The following ANK3 variants were observed in gnomAD, a reference collection of about 807,000 sequenced individuals.
ANK3 encodes ankyrin 3, also known as ankyrin-3.
A neutral mutation model predicts 370.9 loss-of-function variants in ANK3; 57 were observed. The ratio of observed to expected loss-of-function variants is 0.15; its 90% CI spans 0.12 to 0.19. The LOEUF (loss-of-function observed/expected upper bound fraction) is 0.19. ANK3 is among the 10% of genes least tolerant of loss of function. ANK3 has a pLI of 1.00. For synonymous variants in ANK3, 1,929 were observed against 1,946.3 expected, an observed-to-expected ratio of 0.99 and a Z score of 0.23; for missense variants, 4,439 against 5,302.1, an observed-to-expected ratio of 0.84 and a Z score of 5.06.
At chr10:60,700,863 A>G (rs1259480505) in intron 1 of ANK3, among the ~76,000 whole-genome samples, 1 of 152,148 alleles carries the variant, frequency 6.6e-6, no homozygotes, top group Non-Finnish European at 1.5e-5. Context: ...GAGTTCTTCT[A>G]TAATCAAGGA....
intron 21 of ANK3, among the ~76,000 whole-genome samples, chr10:60,170,414 A>T (rs751338645): frequency 1.3e-5 from 2 of 152,214 alleles, no homozygotes; most frequent in East Asian, 3.8e-4. Context: ...CCTGAATTAC[A>T]TCAGTCCTGT....
intron 1 of ANK3, among the ~76,000 whole-genome samples, chr10:60,350,585 A>G (rs920579379): frequency 1.1e-4 from 16 of 152,190 alleles, no homozygotes; most frequent in Non-Finnish European, 2.1e-4. Context: ...AGACTCAAAA[A>G]TCTAACCAAG....
chr10:60,464,037 T>C (rs1291708435), intron 2 of ANK3, among the ~76,000 whole-genome samples: 1 of 152,148 alleles, frequency 6.6e-6, no homozygotes, highest in African/African-American at 2.4e-5. Flanking sequence ...CACACAGAGA[T>C]TTCTCTCCAC....
chr10:60,203,985 AT>A (rs750442984), intron 11 of ANK3, among the ~76,000 whole-genome samples: 1 of 152,070 alleles, frequency 6.6e-6, no homozygotes, highest in Non-Finnish European at 1.5e-5. Flanking sequence ...TTGATAAAAC[AT>A]TTTTTTTAGT....
intron 28 of ANK3, among the ~76,000 whole-genome samples, chr10:60,088,744 C>T (rs2087371068): frequency 6.6e-6 from 1 of 152,098 alleles, no homozygotes; most frequent in African/African-American, 2.4e-5. Flanking sequence ...TTTTAATAGT[C>T]AAAATCATTT....
rs558197185 is a variant in ANK3 at position 60,172,297 on chromosome 10, T to G, written c.2478+11A>C. 1 of 1,609,414 alleles carries G rather than the reference T, an allele frequency of 6.2e-7. No individual in the cohort carries two copies. Among genetic ancestry groups the G allele is most frequent in the South Asian group, 1.1e-5 (1 of 90,832 alleles). On this transcript the variant is annotated intron_variant, in intron 21 of 43. Transcript: ENST00000280772. ...CTCCTAGGGTAACAAGGTTCTGCATTCCTTACTTACAGTTGTGGTCATGGT... is the reference window on the plus strand; with the variant it reads ...CTCCTAGGGTAACAAGGTTCTGCATGCCTTACTTACAGTTGTGGTCATGGT...
rs139774460 is a variant in ANK3 at position 60,074,961 on chromosome 10, G to C, written c.5920C>G (p.Pro1974Ala). The C allele has an allele frequency of 5.1e-5, 82 of 1,614,058 alleles. No homozygotes were observed. The African/African-American group carries it at 1.0e-3, about 20-fold the overall frequency. ...KDVCVDNKGS[P>A]KSPKSDKGHS... is the part of the protein sequence containing the mutation. ...CCTTTGTCACTCTTTGGTGATTTGG[G>C]TGATCCTTTATTATCTACACATACA... The change falls in exon 37 of 44, where the codon CCC becomes GCC. Residue 1974 changes from proline (P) to alanine (A), a missense_variant. By Grantham distance (27) the Pro-to-Ala change is conservative. Coordinates refer to ENST00000280772, the MANE Select transcript of ANK3 (RefSeq NM_020987.5).
intron 2 of ANK3, among the ~76,000 whole-genome samples, chr10:60,462,623 G>A (rs1412888808): frequency 7.0e-6 from 1 of 142,736 alleles, no homozygotes; most frequent in Non-Finnish European, 1.5e-5. Context: ...GTCATGTACT[G>A]TTAGTTCTTT....
chr10:60,561,250 A>G (rs2077327526), intron 2 of ANK3, among the ~76,000 whole-genome samples: 1 of 152,210 alleles, frequency 6.6e-6, no homozygotes, highest in Admixed American at 6.5e-5. Context: ...TTCCAAGGTA[A>G]TATTTCATAA....
intron 1 of ANK3, among the ~76,000 whole-genome samples, chr10:60,657,011 C>T (rs1054952156): frequency 3.3e-5 from 5 of 152,068 alleles, no homozygotes; most frequent in Non-Finnish European, 7.4e-5. Context: ...CAAGACTGGG[C>T]AATTTACAAA....
intron 23 of ANK3, among the ~76,000 whole-genome samples, chr10:60,159,421 T>C (rs1272415739): frequency 6.6e-6 from 1 of 152,118 alleles, no homozygotes; most frequent in African/African-American, 2.4e-5. Context: ...CCCGTATATA[T>C]AAAGCAATTA....
At chr10:60,450,658 G>A (rs1237615400) in intron 2 of ANK3, among the ~76,000 whole-genome samples, 1 of 152,158 alleles carries the variant, frequency 6.6e-6, no homozygotes, top group Non-Finnish European at 1.5e-5. Context: ...TGGAGTATAA[G>A]ATGCCTTAGA....
intron 1 of ANK3, among the ~76,000 whole-genome samples, chr10:60,313,928 G>GTT (rs760802914): frequency 0.043 from 5,622 of 132,034 alleles, 166 homozygotes; most frequent in South Asian, 0.09. Flanking sequence ...TTTTGTTTTT[G>GTT]TTTTTTTTTT....
At chr10:60,573,801 A>G (rs1442547) in intron 2 of ANK3, among the ~76,000 whole-genome samples, 72,849 of 152,036 alleles carry the variant, frequency 0.48, 17,772 homozygotes, top group Non-Finnish European at 0.52. Context: ...AACTGACAGA[A>G]GTACAAAGTG....
chr10:60,600,726 C>T (rs995884700), intron 2 of ANK3, among the ~76,000 whole-genome samples: 1 of 152,078 alleles, frequency 6.6e-6, no homozygotes, highest in Non-Finnish European at 1.5e-5. Flanking sequence ...TTTTAAGTTA[C>T]AAGGTTATAT....
In ANK3 at chr10:60,278,900, A is replaced by C. The variant is rs372385433; in HGVS notation, c.316-28T>G. The stretch of plus-strand genomic sequence containing the variant: ...GTGAAATGAAAGTCAAGATATATCA[A>C]CTCATCGATCTTTTGAATTTTCCTG... On this transcript the variant is annotated intron_variant, in intron 3 of 43. Coordinates refer to ENST00000280772, the MANE Select transcript of ANK3 (RefSeq NM_020987.5). 9 of 1,604,520 alleles carry C rather than the reference A, an allele frequency of 5.6e-6. No individual in the cohort carries two copies. In the African/African-American group the frequency reaches 1.2e-4, roughly 21 times the overall value.
intron 7 of ANK3, among the ~76,000 whole-genome samples, chr10:60,253,079 A>G (rs2097690711): frequency 6.6e-6 from 1 of 152,236 alleles, no homozygotes; most frequent in Non-Finnish European, 1.5e-5. Context: ...GAGCACCAGG[A>G]TAAGCTGCAA....
rs1049503720 is a variant in ANK3 at position 60,075,662 on chromosome 10, G to A, written c.5219C>T (p.Thr1740Met). The change falls in exon 37 of 44, where the codon ACG (threonine) becomes ATG (methionine). Residue 1740 changes from threonine (T) to methionine (M), a missense_variant. Thr to Met is a moderately conservative substitution (Grantham distance 81). Transcript: ENST00000280772. ...AGCAGAAGAAATTTTTTCCTGTAAC[G>A]TGGCAGTGGCTTTGCATCCATTAAT... ...TLINGCKATATLQEKISSATN... is the reference protein window; with the variant it reads ...TLINGCKATAMLQEKISSATN... 13 of 1,613,986 alleles carry A rather than the reference G, an allele frequency of 8.1e-6. 1 individual carries two copies. The highest frequency in any genetic ancestry group is 2.2e-5 in the East Asian group (1 of 44,872).
At chr10:60,181,202 A>G in intron 18 of ANK3, 127 bp downstream of exon 18, 1 of 936,286 alleles carries the variant, frequency 1.1e-6, no homozygotes. Context: ...ATAAATAAAC[A>G]TTTAAAATAC....
Sources: gnomAD v4.1 joint callset for allele counts (sites outside exome capture counted in the v4.1 genomes callset) on GRCh38, gnomAD v4.1.1 for gene constraint, MANE v1.5 for transcripts, NCBI Gene and HGNC (gene_info 2026-07-23, HGNC 2026-07-21) for gene names.